Variants in ZNF407 observed in about 807,000 individuals in gnomAD.
The protein encoded by ZNF407 is zinc finger protein 407.
ZNF407 carries 17 observed loss-of-function variants against 131.2 expected under a neutral mutation model. The ratio of observed to expected loss-of-function variants is 0.13; its 90% CI spans 0.09 to 0.19. The LOEUF is 0.19. ZNF407 is among the 10% of genes least tolerant of loss of function. The pLI is 1.00. For synonymous variants in ZNF407, 1,156 were observed against 1,062.0 expected, an observed-to-expected ratio of 1.09 and a Z score of -1.72; for missense variants, 2,681 against 2,830.6, an observed-to-expected ratio of 0.95 and a Z score of 1.20.
chr18:74,998,925 A>G (rs552379180), intron 8 of ZNF407, among the ~76,000 whole-genome samples: 2 of 14,466 alleles, frequency 1.4e-4, no homozygotes, highest in South Asian at 3.6e-3. Flanking sequence ...ACTATTCACA[A>G]TAGCAAAGAC....
intron 8 of ZNF407, among the ~76,000 whole-genome samples, chr18:74,980,935 C>T (rs1462807219): frequency 6.6e-6 from 1 of 152,136 alleles, no homozygotes; most frequent in Non-Finnish European, 1.5e-5. Flanking sequence ...TTGCCATCTA[C>T]GATATCAAGG....
intron 3 of ZNF407, among the ~76,000 whole-genome samples, chr18:74,775,177 C>T (rs981757759): frequency 5.3e-5 from 8 of 152,156 alleles, no homozygotes; most frequent in South Asian, 2.1e-4. Flanking sequence ...TCCTTTCTGT[C>T]TGCTAGGATT....
At chr18:74,887,674 C>T (rs531430604) in intron 6 of ZNF407, among the ~76,000 whole-genome samples, 24 of 152,206 alleles carry the variant, frequency 1.6e-4, no homozygotes, top group African/African-American at 5.5e-4. Flanking sequence ...TTAGGCAGTT[C>T]TGTCATCATA....
At chr18:74,622,905 A>C (rs1366722089) in intron 1 of ZNF407, among the ~76,000 whole-genome samples, 4 of 132,922 alleles carry the variant, frequency 3.0e-5, no homozygotes, top group Non-Finnish European at 4.9e-5. Flanking sequence ...TGTCTGTTTT[A>C]GTGTGTGAAT....
rs189273396 is a variant in ZNF407 at position 74,923,263 on chromosome 18, G to A, written c.5428+2571G>A. The stretch of plus-strand genomic sequence containing the variant: ...TAACCATGGATTATTATTTGTAAAC[G>A]TAATATTCCATTTCCAGGTAGTTTG... On this transcript the variant is annotated intron_variant, in intron 8 of 8. Coordinates refer to ENST00000299687, the MANE Select transcript of ZNF407 (RefSeq NM_017757.3). 3.4e-3 allele frequency among the ~76,000 whole-genome samples: 514 copies of A among 149,440 alleles called. 3 individuals carry two copies. The highest frequency in any genetic ancestry group is 7.1e-3 in the Middle Eastern group (2 of 280).
At chr18:74,636,994 A>C (rs756929112) in intron 2 of ZNF407, among the ~76,000 whole-genome samples, 2 of 152,228 alleles carry the variant, frequency 1.3e-5, no homozygotes, top group Non-Finnish European at 2.9e-5. Flanking sequence ...AACTGAATAA[A>C]ACTAAGAGGA....
chr18:74,767,944 C>T (rs1431543435), intron 3 of ZNF407, among the ~76,000 whole-genome samples: 2 of 151,304 alleles, frequency 1.3e-5, no homozygotes, highest in East Asian at 1.9e-4. Flanking sequence ...GGATTACAGG[C>T]GTGAGCTACT....
chr18:74,879,928 T>C (rs1348065349), intron 5 of ZNF407, among the ~76,000 whole-genome samples: 2 of 152,208 alleles, frequency 1.3e-5, no homozygotes, highest in African/African-American at 4.8e-5. Flanking sequence ...GCAATTATAA[T>C]TTCCAAAACA....
At chr18:74,957,769 G>A (rs1339034773) in intron 8 of ZNF407, among the ~76,000 whole-genome samples, 3 of 152,322 alleles carry the variant, frequency 2.0e-5, no homozygotes, top group African/African-American at 7.2e-5. Flanking sequence ...TCCATAGAAT[G>A]TGTTATGGTA....
chr18:74,631,724 A>G lies in ZNF407; in HGVS notation c.705A>G (p.Lys235=). 6.2e-7 allele frequency: 1 copy of G among 1,613,986 alleles called. No homozygotes were observed. Among genetic ancestry groups the G allele is most frequent in the Non-Finnish European group, 8.5e-7 (1 of 1,179,896 alleles). The change falls in exon 2 of 9, where the codon AAA becomes AAG. Residue 235 remains lysine, a synonymous_variant. Coordinates refer to ENST00000299687, the MANE Select transcript of ZNF407 (RefSeq NM_017757.3). ...ESSSALHMHI[K]QAHGPQKVFS... is the part of the protein sequence containing the mutation. The stretch of plus-strand genomic sequence containing the variant: ...GCTCAGCACTACATATGCATATCAA[A>G]CAAGCACATGGGCCACAGAAGGTCT...
intron 8 of ZNF407, among the ~76,000 whole-genome samples, chr18:75,037,527 T>C (rs1220337405): frequency 6.6e-6 from 1 of 151,880 alleles, no homozygotes; most frequent in African/African-American, 2.4e-5. Flanking sequence ...CAAAAGCTGC[T>C]GCCGCCGCCG....
chr18:74,966,996 C>T (rs1972417132), intron 8 of ZNF407, among the ~76,000 whole-genome samples: 2 of 152,116 alleles, frequency 1.3e-5, no homozygotes, highest in African/African-American at 4.8e-5. Context: ...CACAGTGGCT[C>T]ACACCTGTAA....
intron 2 of ZNF407, among the ~76,000 whole-genome samples, chr18:74,640,233 G>A (rs1430074884): frequency 2.0e-5 from 3 of 152,066 alleles, no homozygotes; most frequent in African/African-American, 7.2e-5. Flanking sequence ...CTGACACTAA[G>A]TGTGTAGACT....
intron 8 of ZNF407, among the ~76,000 whole-genome samples, chr18:75,003,367 A>T (rs992555470): frequency 6.6e-6 from 1 of 152,198 alleles, no homozygotes; most frequent in Non-Finnish European, 1.5e-5. Flanking sequence ...GGCTATTTTT[A>T]TATTATTAAT....
At chr18:74,604,436 A>T (rs1199566092) in intron 1 of ZNF407, among the ~76,000 whole-genome samples, 1 of 152,202 alleles carries the variant, frequency 6.6e-6, no homozygotes, top group Non-Finnish European at 1.5e-5. Flanking sequence ...GTCTGTGAAG[A>T]AGGGGAAGAA....
rs1971473272 is a variant in ZNF407 at position 74,897,824 on chromosome 18, A to G, written c.5249+7786A>G. On this transcript the variant is annotated intron_variant, in intron 7 of 8. Transcript: ENST00000299687. ...ACAGAAGTCACCTATGCATCCCTAC[A>G]GTGTGGGGTTGGATGTAGACTCAGC... 1.3e-5 allele frequency among the ~76,000 whole-genome samples: 2 copies of G among 152,202 alleles called. 1 individual carries two copies. The highest frequency in any genetic ancestry group is 4.1e-4 in the South Asian group (2 of 4,826).
At chr18:74,720,320 C>G (rs1968000033) in intron 3 of ZNF407, among the ~76,000 whole-genome samples, 1 of 151,424 alleles carries the variant, frequency 6.6e-6, no homozygotes, top group Non-Finnish European at 1.5e-5. Flanking sequence ...AATGTCTGTT[C>G]AGATCATCTG....
At chr18:74,800,436 C>T (rs1970000170) in intron 4 of ZNF407, among the ~76,000 whole-genome samples, 1 of 151,808 alleles carries the variant, frequency 6.6e-6, no homozygotes, top group Non-Finnish European at 1.5e-5. Flanking sequence ...ACATTGTTCC[C>T]TCTTCCACAT....
At chr18:75,022,864 T>C (rs1479210057) in intron 8 of ZNF407, among the ~76,000 whole-genome samples, 1 of 152,176 alleles carries the variant, frequency 6.6e-6, no homozygotes, top group South Asian at 2.1e-4. Flanking sequence ...TGTTCTATTG[T>C]AAAGATACCT....
Sources: allele counts gnomAD v4.1 joint callset (sites outside exome capture counted in the v4.1 genomes callset), GRCh38; gene constraint gnomAD v4.1.1; transcripts MANE v1.5; gene names NCBI Gene and HGNC (gene_info 2026-07-23, HGNC 2026-07-21).